INVS: variants seen among roughly 807,000 people sequenced by gnomAD.
The protein encoded by INVS is inversin, also known as inversion of embryo turning homolog.
A neutral mutation model predicts 108.8 loss-of-function variants in INVS; 86 were observed. The ratio of observed to expected loss-of-function variants is 0.79; its 90% CI spans 0.66 to 0.95. INVS has a LOEUF of 0.95. INVS is among the 40% of genes least tolerant of loss of function. The probability of loss-of-function intolerance (pLI) is 0.00; values close to 1 mark genes in which losing one functional copy is unlikely to be tolerated. For synonymous variants in INVS, 455 were observed against 473.5 expected (o/e 0.96, Z 0.51); for missense variants, 1,169 against 1,297.4 (o/e 0.90, Z 1.52).
chr9:100,268,369 C>T (rs549353314), intron 11 of INVS, among the ~76,000 whole-genome samples: 2 of 152,220 alleles, frequency 1.3e-5, no homozygotes, highest in Non-Finnish European at 2.9e-5. Context: ...CTCCAGATAT[C>T]GGGATATTAG....
At chr9:100,161,141 C>T (rs61548089) in intron 3 of INVS, among the ~76,000 whole-genome samples, 33,187 of 151,292 alleles carry the variant, frequency 0.22, 4,317 homozygotes, top group Non-Finnish European at 0.3. Context: ...TTTGGGAGGC[C>T]GAGTTGGGGG....
chr9:100,198,334 C>A, intron 3 of INVS, among the ~76,000 whole-genome samples: 1 of 91,120 alleles, frequency 1.1e-5, no homozygotes. Flanking sequence ...TTTCACTCTT[C>A]TTGTGCAGGC....
In INVS at chr9:100,252,982, A is replaced by T. The variant is rs1393335978; in HGVS notation, c.1310A>T (p.Asp437Val). 6.2e-7 allele frequency: 1 copy of T among 1,613,992 alleles called. No homozygotes were observed. The highest frequency in any genetic ancestry group is 1.1e-5 in the South Asian group (1 of 91,074). The change falls in exon 10 of 17, where the codon GAT becomes GTT. Residue 437 changes from aspartate to valine, a missense_variant. Coordinates refer to ENST00000262457, the MANE Select transcript of INVS (RefSeq NM_014425.5). ...TGGGCAGCACTGGGAGGAAATGCTGATGTTTGCCAGATATTAATAGAAAAT... is the reference window on the plus strand; with the variant it reads ...TGGGCAGCACTGGGAGGAAATGCTGTTGTTTGCCAGATATTAATAGAAAAT... ...LHWAALGGNA[D>V]VCQILIENKI...
chr9:100,300,440 A>T, intron 16 of INVS, 128 bp from the exon 17 acceptor site: 1 of 705,284 alleles, frequency 1.4e-6, no homozygotes, highest in Non-Finnish European at 2.6e-6. Flanking sequence ...TCCTGCCTCT[A>T]CAGTAAACTG....
chr9:100,169,839 C>A (rs1829482417), intron 3 of INVS, among the ~76,000 whole-genome samples: 1 of 152,132 alleles, frequency 6.6e-6, no homozygotes, highest in South Asian at 2.1e-4. Context: ...GCCCAGCTAA[C>A]CAATTTGAAA....
chr9:100,268,897 G>A (rs929611873), intron 11 of INVS, among the ~76,000 whole-genome samples: 1 of 152,020 alleles, frequency 6.6e-6, no homozygotes, highest in Non-Finnish European at 1.5e-5. Flanking sequence ...TAAGCTACAT[G>A]TTATTTCCTT....
chr9:100,180,291 A>T (rs1405475040), intron 3 of INVS, among the ~76,000 whole-genome samples: 2 of 152,082 alleles, frequency 1.3e-5, no homozygotes, highest in African/African-American at 4.8e-5. Flanking sequence ...GAGCAGAACT[A>T]AAGGAGATAG....
chr9:100,111,464 G>A (rs1438374568), intron 2 of INVS, among the ~76,000 whole-genome samples: 2 of 152,226 alleles, frequency 1.3e-5, no homozygotes, highest in African/African-American at 4.8e-5. Context: ...TCTGGACTGT[G>A]TTGAGACAGA....
chr9:100,248,332 G>A (rs1040657628), intron 8 of INVS, among the ~76,000 whole-genome samples: 1 of 152,158 alleles, frequency 6.6e-6, no homozygotes, highest in Non-Finnish European at 1.5e-5. Flanking sequence ...ATGCACCATG[G>A]TTGAAGTTCA....
At chr9:100,239,538 A>G (rs139019609) in intron 5 of INVS, among the ~76,000 whole-genome samples, 4,415 of 152,344 alleles carry the variant, frequency 0.029, 84 homozygotes, top group Middle Eastern at 0.048. Flanking sequence ...ATCAGTATGT[A>G]ATGGTTATAT....
chr9:100,271,631 G>A (rs949419704), intron 11 of INVS, among the ~76,000 whole-genome samples: 1 of 152,186 alleles, frequency 6.6e-6, no homozygotes, highest in Non-Finnish European at 1.5e-5. Flanking sequence ...GTCCTTGCTA[G>A]TGCAGTGTGT....
rs2118781948 is a variant in INVS at position 100,296,991 on chromosome 9, G to A, written c.2861G>A (p.Arg954Lys). The A allele has an allele frequency of 1.2e-6, 2 of 1,614,112 alleles. No homozygotes were observed. Among genetic ancestry groups the A allele is most frequent in the Non-Finnish European group, 1.7e-6 (2 of 1,180,000 alleles). The stretch of plus-strand genomic sequence containing the variant: ...GGAGCTGGAGATGTGGACAGATGGA[G>A]GCAAGAGTCTACAGCATTGCTCCTC... The part of the protein sequence containing the change: ...QLGAGDVDRW[R>K]QESTALLLQV... The change falls in exon 15 of 17, where the codon AGG becomes AAG. Residue 954 changes from arginine (R) to lysine (K), a missense_variant. Around this residue, in one of 3 missense-constraint regions of INVS, gnomAD observed 533 missense variants for 536.0 expected, o/e 0.99. Transcript: ENST00000262457.
rs187706734 is a variant in INVS, at chr9:100,297,892, G to A, written c.3017-44G>A. 3.3e-5 allele frequency: 53 copies of A among 1,603,738 alleles called. No individual in the cohort carries two copies. The East Asian group carries it at 5.4e-4, about 16-fold the overall frequency. ...AATTCAGAAGTTGGTCAGGCCAAAC[G>A]TATCCCTGGCCAAAGAAAAGTAACA... On this transcript the variant is annotated intron_variant, in intron 15 of 16. Transcript: ENST00000262457.
chr9:100,102,241 G>A (rs929469691), intron 1 of INVS, among the ~76,000 whole-genome samples: 4 of 152,146 alleles, frequency 2.6e-5, no homozygotes, highest in Middle Eastern at 6.8e-3. Flanking sequence ...AGGATTACAG[G>A]TGTGTGCCAC....
chr9:100,127,510 T>A lies in INVS; in HGVS notation c.273+961T>A, dbSNP rs548873375. Among the ~76,000 whole-genome samples the A allele has an allele frequency of 2.8e-3, 424 of 152,296 alleles. 1 individual carries two copies. The highest frequency in any genetic ancestry group is 6.8e-3 in the Middle Eastern group (2 of 294). On this transcript the variant is annotated intron_variant, in intron 3 of 16. Coordinates refer to ENST00000262457, the MANE Select transcript of INVS (RefSeq NM_014425.5). ...AATAGATTTCCAGTGCCTGGTATTT[T>A]TCTTTTTGTTATTTTAGATTTCTGT... is the stretch of plus-strand genomic sequence containing the variant.
intron 2 of INVS, among the ~76,000 whole-genome samples, chr9:100,114,142 C>T (rs1170859522): frequency 6.6e-6 from 1 of 152,038 alleles, no homozygotes; most frequent in African/African-American, 2.4e-5. Flanking sequence ...CACCCTTGTT[C>T]GTATACAGTT....
At chr9:100,257,516 A>G (rs1004359625) in intron 10 of INVS, among the ~76,000 whole-genome samples, 1 of 152,108 alleles carries the variant, frequency 6.6e-6, no homozygotes, top group Admixed American at 6.5e-5. Context: ...TGGTCTTTAC[A>G]ATTTGGCATG....
At chr9:100,153,817 T>G (rs1189296680) in intron 3 of INVS, among the ~76,000 whole-genome samples, 3 of 152,162 alleles carry the variant, frequency 2.0e-5, no homozygotes, top group Non-Finnish European at 4.4e-5. Context: ...CCAAACTCAC[T>G]TATATCAGGA....
At chr9:100,116,324 G>T (rs1039697269) in intron 2 of INVS, among the ~76,000 whole-genome samples, 2 of 151,898 alleles carry the variant, frequency 1.3e-5, no homozygotes, top group African/African-American at 4.8e-5. Flanking sequence ...GCCTAGGCTG[G>T]TCTCAAACTC....
Sources: allele counts gnomAD v4.1 joint callset (sites outside exome capture counted in the v4.1 genomes callset), GRCh38; gene constraint gnomAD v4.1.1; regional missense constraint gnomAD v4.1.1; transcripts MANE v1.5; gene names NCBI Gene and HGNC (gene_info 2026-07-23, HGNC 2026-07-21).